Variants in OPCML observed in about 807,000 individuals in gnomAD.
The protein encoded by OPCML is opioid-binding protein/cell adhesion molecule.
OPCML carries 13 observed loss-of-function variants against 37.8 expected under a neutral mutation model. The ratio of observed to expected loss-of-function variants is 0.34; its 90% CI spans 0.22 to 0.55. OPCML has a LOEUF of 0.55. Among genes scored for constraint, OPCML ranks in the 20% least tolerant of loss-of-function variants. OPCML has a pLI of 0.91. For missense variants in OPCML, 341 were observed against 435.6 expected, an observed-to-expected ratio of 0.78 and a Z score of 1.93; for synonymous variants, 176 against 168.8, an observed-to-expected ratio of 1.04 and a Z score of -0.33.
At chr11:133,292,927 T>C (rs1045508951) in intron 1 of OPCML, among the ~76,000 whole-genome samples, 2 of 151,612 alleles carry the variant, frequency 1.3e-5, no homozygotes, top group African/African-American at 4.9e-5. Context: ...GGAAGAGAGG[T>C]GTGATATGCT....
intron 1 of OPCML, among the ~76,000 whole-genome samples, chr11:133,487,371 C>G (rs1405778439): frequency 6.6e-6 from 1 of 152,038 alleles, no homozygotes; most frequent in Non-Finnish European, 1.5e-5. Flanking sequence ...TGTGTCCTGG[C>G]TGTTCCCTCT....
chr11:133,149,239 A>G (rs1949940264), intron 1 of OPCML, among the ~76,000 whole-genome samples: 1 of 152,252 alleles, frequency 6.6e-6, no homozygotes, highest in African/African-American at 2.4e-5. Context: ...ATGGGGCAAC[A>G]TAAATTAAGA....
At chr11:132,912,570 A>T (rs1403735124) in intron 2 of OPCML, among the ~76,000 whole-genome samples, 1 of 152,252 alleles carries the variant, frequency 6.6e-6, no homozygotes, top group Non-Finnish European at 1.5e-5. Flanking sequence ...AAATGAAATG[A>T]AAGGAAAACT....
intron 1 of OPCML, among the ~76,000 whole-genome samples, chr11:133,316,121 G>A (rs1399052126): frequency 6.6e-6 from 1 of 152,180 alleles, no homozygotes; most frequent in Non-Finnish European, 1.5e-5. Flanking sequence ...GAAAATGTGA[G>A]TATCTGGAGA....
At chr11:133,024,800 G>T (rs1947519029) in intron 1 of OPCML, 3 of 985,258 alleles carry the variant, frequency 3.0e-6, no homozygotes, top group Non-Finnish European at 3.6e-6. Flanking sequence ...GACTCTCCCA[G>T]GACTCAGTTC....
intron 1 of OPCML, among the ~76,000 whole-genome samples, chr11:133,429,788 C>G (rs552526501): frequency 1.3e-5 from 2 of 152,100 alleles, no homozygotes; most frequent in South Asian, 4.2e-4. Flanking sequence ...TTGGAAAGAT[C>G]AGGAATTTAA....
chr11:132,469,882 AGGTG>A (rs2096132158), intron 4 of OPCML, among the ~76,000 whole-genome samples: 1 of 104,086 alleles, frequency 9.6e-6, no homozygotes, highest in South Asian at 3.1e-4. Flanking sequence ...TATGTGTGGG[AGGTG>A]TGTGTGTGTA....
intron 1 of OPCML, among the ~76,000 whole-genome samples, chr11:133,446,869 G>A (rs1198048236): frequency 1.3e-5 from 2 of 152,182 alleles, no homozygotes; most frequent in African/African-American, 2.4e-5. Context: ...GCATGTTTCA[G>A]TAGTTTCTTT....
At chr11:133,339,543 A>G (rs1943817023) in intron 1 of OPCML, among the ~76,000 whole-genome samples, 1 of 152,194 alleles carries the variant, frequency 6.6e-6, no homozygotes, top group Non-Finnish European at 1.5e-5. Flanking sequence ...ATCATGGTCT[A>G]GTAAAACAAA....
rs1255650609 is a variant in OPCML, at chr11:133,340,545, C to T, written c.61+191719G>A. On this transcript the variant is annotated intron_variant, in intron 1 of 7. Coordinates refer to ENST00000524381, the MANE Select transcript of OPCML (RefSeq NM_001012393.5). Reference sequence around the variant, plus strand: ...TAAAAGCTTGTATATTTCCCTCTACCTGTTCTTTATATTAATAGCTGATCT... The same window carrying T: ...TAAAAGCTTGTATATTTCCCTCTACTTGTTCTTTATATTAATAGCTGATCT... 2.0e-5 allele frequency among the ~76,000 whole-genome samples: 3 copies of T among 151,912 alleles called. No homozygotes were observed. In the East Asian group the frequency reaches 5.8e-4, roughly 29 times the overall value.
chr11:132,532,242 G>C (rs2096327600), intron 3 of OPCML, among the ~76,000 whole-genome samples: 1 of 152,126 alleles, frequency 6.6e-6, no homozygotes, highest in African/African-American at 2.4e-5. Context: ...CTAAGCCCAG[G>C]TAGTGTTGTC....
At chr11:133,327,817 G>A (rs947646242) in intron 1 of OPCML, among the ~76,000 whole-genome samples, 1 of 152,086 alleles carries the variant, frequency 6.6e-6, no homozygotes, top group Non-Finnish European at 1.5e-5. Flanking sequence ...GCTACTACTC[G>A]GAGGCCAAGT....
At chr11:133,097,433 A>C (rs985095875) in intron 1 of OPCML, among the ~76,000 whole-genome samples, 3 of 152,232 alleles carry the variant, frequency 2.0e-5, no homozygotes, top group Non-Finnish European at 1.5e-5. Flanking sequence ...TCTAAAACCA[A>C]CAATCTAATA....
chr11:133,093,535 C>T (rs1948947031), intron 1 of OPCML, among the ~76,000 whole-genome samples: 1 of 152,106 alleles, frequency 6.6e-6, no homozygotes, highest in Non-Finnish European at 1.5e-5. Flanking sequence ...ATTAGAATTC[C>T]ACTTAATGCT....
chr11:132,447,310 C>G (rs1430094455), intron 4 of OPCML, among the ~76,000 whole-genome samples: 1 of 152,060 alleles, frequency 6.6e-6, no homozygotes, highest in African/African-American at 2.4e-5. Flanking sequence ...ACTTTGTTTT[C>G]TTTTGAGACA....
intron 1 of OPCML, among the ~76,000 whole-genome samples, chr11:133,321,064 A>G (rs983758796): frequency 5.3e-5 from 8 of 152,128 alleles, no homozygotes; most frequent in Non-Finnish European, 8.8e-5. Flanking sequence ...TCATGTACGG[A>G]TAGGGCATGT....
At chr11:132,548,532 A>C (rs1261369168) in intron 3 of OPCML, among the ~76,000 whole-genome samples, 1 of 152,174 alleles carries the variant, frequency 6.6e-6, no homozygotes, top group Non-Finnish European at 1.5e-5. Flanking sequence ...AGATAAGACA[A>C]CAAGCAGGTG....
intron 2 of OPCML, among the ~76,000 whole-genome samples, chr11:132,802,768 T>C (rs1466136771): frequency 3.9e-5 from 6 of 152,124 alleles, no homozygotes; most frequent in African/African-American, 1.4e-4. Context: ...TTTTCTCCAG[T>C]TTCCAGGGCC....
chr11:133,427,641 A>G (rs1946030569), intron 1 of OPCML, among the ~76,000 whole-genome samples: 1 of 152,160 alleles, frequency 6.6e-6, no homozygotes, highest in South Asian at 2.1e-4. Flanking sequence ...ATCATAAGAA[A>G]ATGCTACATA....
Sources: allele counts gnomAD v4.1 joint callset (sites outside exome capture counted in the v4.1 genomes callset), GRCh38; gene constraint gnomAD v4.1.1; transcripts MANE v1.5; gene names NCBI Gene and HGNC (gene_info 2026-07-23, HGNC 2026-07-21).